KDM4C: variants seen among roughly 807,000 people sequenced by gnomAD.
KDM4C encodes the protein lysine-specific demethylase 4C.
Under a neutral mutation model 129.3 loss-of-function variants are expected in KDM4C, and 81 were observed. That is an observed-to-expected ratio of 0.63 (90% CI 0.52 to 0.75). KDM4C has a LOEUF of 0.75. Ranked by LOEUF, KDM4C falls within the 30% of genes least tolerant of loss-of-function variation. The probability of loss-of-function intolerance (pLI) is 0.00; values close to 1 mark genes in which losing one functional copy is unlikely to be tolerated. For missense variants in KDM4C, 1,457 were observed against 1,304.0 expected (o/e 1.12, Z -1.81); for synonymous variants, 573 against 456.1 (o/e 1.26, Z -3.26).
intron 8 of KDM4C, among the ~76,000 whole-genome samples, chr9:6,931,764 G>C (rs1409988359): frequency 6.6e-6 from 1 of 152,162 alleles, no homozygotes; most frequent in Middle Eastern, 3.2e-3. Flanking sequence ...GTCTCCCAAA[G>C]TGTTGGGATT....
chr9:7,164,536 T>A (rs1844162684), intron 19 of KDM4C, among the ~76,000 whole-genome samples: 1 of 152,116 alleles, frequency 6.6e-6, no homozygotes, highest in Non-Finnish European at 1.5e-5. Context: ...AGAAGCACAT[T>A]TATGTAGGGG....
intron 17 of KDM4C, among the ~76,000 whole-genome samples, chr9:7,086,870 G>A (rs1473018469): frequency 6.6e-6 from 1 of 152,046 alleles, no homozygotes; most frequent in African/African-American, 2.4e-5. Flanking sequence ...CAGTCTGCAG[G>A]GTCTCCTGTC....
chr9:6,932,942 A>G (rs907119993), intron 8 of KDM4C, among the ~76,000 whole-genome samples: 2 of 152,224 alleles, frequency 1.3e-5, no homozygotes, highest in Admixed American at 6.5e-5. Context: ...TCTTTCATGC[A>G]TTAAGTTTTC....
At chr9:7,104,551 C>A (rs1261380166) in intron 18 of KDM4C, among the ~76,000 whole-genome samples, 1 of 152,164 alleles carries the variant, frequency 6.6e-6, no homozygotes, top group African/African-American at 2.4e-5. Flanking sequence ...AGCCATATTT[C>A]TGTTGACCTG....
chr9:6,983,363 G>A (rs1817100570), intron 9 of KDM4C, among the ~76,000 whole-genome samples: 1 of 152,162 alleles, frequency 6.6e-6, no homozygotes, highest in East Asian at 1.9e-4. Context: ...AAGCTATCAA[G>A]TGACCTGCTG....
At chr9:7,113,561 C>G (rs1011764769) in intron 18 of KDM4C, among the ~76,000 whole-genome samples, 2 of 152,220 alleles carry the variant, frequency 1.3e-5, no homozygotes, top group African/African-American at 4.8e-5. Flanking sequence ...CCTGTGCTTT[C>G]TGTTGATAGA....
intron 1 of KDM4C, among the ~76,000 whole-genome samples, chr9:6,742,574 G>A (rs545141051): frequency 2.4e-4 from 15 of 62,606 alleles, no homozygotes; most frequent in Non-Finnish European, 4.7e-4. Context: ...TTTTTTTTTT[G>A]TACTGCACTT....
chr9:7,136,451 A>G (rs1441140466), intron 19 of KDM4C, among the ~76,000 whole-genome samples: 1 of 152,210 alleles, frequency 6.6e-6, no homozygotes, highest in Non-Finnish European at 1.5e-5. Context: ...CCCACCAGCA[A>G]CATTTGAGGT....
At chr9:6,819,136 T>A (rs1288178781) in intron 4 of KDM4C, 2 of 152,196 alleles carry the variant, frequency 1.3e-5, no homozygotes, top group Non-Finnish European at 2.9e-5. Flanking sequence ...GTATATATGA[T>A]TAAGAGTTAG....
intron 15 of KDM4C, among the ~76,000 whole-genome samples, chr9:7,046,181 A>T (rs961090079): frequency 2.6e-5 from 4 of 151,814 alleles, no homozygotes; most frequent in African/African-American, 9.7e-5. Flanking sequence ...AATTGGAGTC[A>T]TCTTGGAGTA....
At chr9:6,872,643 T>A (rs990024511) in intron 5 of KDM4C, among the ~76,000 whole-genome samples, 1 of 152,144 alleles carries the variant, frequency 6.6e-6, no homozygotes, top group Non-Finnish European at 1.5e-5. Flanking sequence ...TCTTTTTTGG[T>A]CTTTGTTGGT....
chr9:6,727,088 A>G (rs1817156449), intron 1 of KDM4C: 1 of 152,244 alleles, frequency 6.6e-6, no homozygotes, highest in East Asian at 1.9e-4. Flanking sequence ...TCAAAATTAG[A>G]CTATTATTTA....
At chr9:6,734,272 T>C (rs927506133) in intron 1 of KDM4C, among the ~76,000 whole-genome samples, 2 of 150,952 alleles carry the variant, frequency 1.3e-5, no homozygotes, top group Non-Finnish European at 2.9e-5. Flanking sequence ...TGGAAAGTTA[T>C]GTAAACCCAT....
chr9:6,985,118 G>A (rs112134693), intron 10 of KDM4C, among the ~76,000 whole-genome samples: 61 of 152,250 alleles, frequency 4.0e-4, no homozygotes, highest in African/African-American at 1.4e-3. Context: ...TGGCACCATA[G>A]CTGTTGCCTG....
intron 8 of KDM4C, among the ~76,000 whole-genome samples, chr9:6,935,845 G>T (rs1824682749): frequency 6.6e-6 from 1 of 152,092 alleles, no homozygotes; most frequent in Non-Finnish European, 1.5e-5. Flanking sequence ...GAAAATAAAA[G>T]TCCTGATTTT....
chr9:6,886,221 A>G (rs745386003), intron 6 of KDM4C, among the ~76,000 whole-genome samples: 1 of 152,016 alleles, frequency 6.6e-6, no homozygotes, highest in Non-Finnish European at 1.5e-5. Flanking sequence ...TTTTGTGTTT[A>G]TGTATTATGA....
intron 8 of KDM4C, among the ~76,000 whole-genome samples, chr9:6,952,333 A>G (rs966554956): frequency 2.6e-5 from 4 of 151,660 alleles, no homozygotes; most frequent in Admixed American, 6.6e-5. Context: ...TTTTATAGGA[A>G]AAGAGTATGA....
At chr9:6,845,587 C>A (rs1305280671) in intron 4 of KDM4C, among the ~76,000 whole-genome samples, 2 of 152,086 alleles carry the variant, frequency 1.3e-5, no homozygotes, top group African/African-American at 4.8e-5. Context: ...AGGGAATATC[C>A]CTAATAAAGT....
chr9:6,814,635 T>C lies in KDM4C; in HGVS notation c.325T>C (p.Cys109Arg), dbSNP rs764065683. 6.3e-7 allele frequency: 1 copy of C among 1,590,290 alleles called. No individual in the cohort carries two copies. Among genetic ancestry groups the C allele is most frequent in the Non-Finnish European group, 8.6e-7 (1 of 1,164,616 alleles). Residue 109 changes from cysteine (C) to arginine (R), a missense_variant, in exon 4 of 22, where the codon TGT becomes CGT. Transcript: ENST00000381309. ...TTTGTCATCTACCTTTTACAGATAT[T>C]GTACTCCAAGATACTTGGATTACGA... is the stretch of plus-strand genomic sequence containing the variant. ...FRQLANSGKY[C>R]TPRYLDYEDL...
Sources: allele counts gnomAD v4.1 joint callset (sites outside exome capture counted in the v4.1 genomes callset), GRCh38; gene constraint gnomAD v4.1.1; transcripts MANE v1.5; gene names NCBI Gene and HGNC (gene_info 2026-07-23, HGNC 2026-07-21).